NCOA5: variants seen among roughly 807,000 people sequenced by gnomAD.
NCOA5 encodes nuclear receptor coactivator 5.
In NCOA5, 12 loss-of-function variants were observed where a neutral mutation model predicts 59.0. The ratio of observed to expected loss-of-function variants is 0.20; its 90% CI spans 0.13 to 0.33. The LOEUF (loss-of-function observed/expected upper bound fraction) is 0.33, where lower values mean the gene tolerates loss of function less well. NCOA5 is among the 10% of genes least tolerant of loss of function. The probability of loss-of-function intolerance (pLI) is 1.00; values close to 1 mark genes in which losing one functional copy is unlikely to be tolerated. For missense variants in NCOA5, 655 were observed against 766.6 expected, an observed-to-expected ratio of 0.85 and a Z score of 1.72; for synonymous variants, 270 against 275.5, an observed-to-expected ratio of 0.98 and a Z score of 0.20.
chr20:46,085,499 T>G (rs2085036330), intron 1 of NCOA5, among the ~76,000 whole-genome samples: 11 of 144,850 alleles, frequency 7.6e-5, no homozygotes, highest in Non-Finnish European at 9.1e-5. Context: ...ATGGAGGGGG[T>G]GGGGGTGAAT....
chr20:46,071,303 C>A (rs773198972), intron 2 of NCOA5, among the ~76,000 whole-genome samples: 28 of 152,148 alleles, frequency 1.8e-4, no homozygotes, highest in Non-Finnish European at 3.7e-4. Context: ...TTACCCCAAC[C>A]CCATCAGTCC....
intron 5 of NCOA5, among the ~76,000 whole-genome samples, chr20:46,065,444 T>C (rs376133670): frequency 2.3e-4 from 35 of 152,308 alleles, no homozygotes; most frequent in African/African-American, 8.4e-4. Flanking sequence ...AGTAGCACAG[T>C]ATGATACCCA....
intron 6 of NCOA5, among the ~76,000 whole-genome samples, chr20:46,064,087 G>C (rs940582065): frequency 1.3e-5 from 2 of 152,192 alleles, no homozygotes; most frequent in African/African-American, 4.8e-5. Flanking sequence ...GTGCTCCTCA[G>C]GACAGAGCTG....
chr20:46,075,910 G>A (rs1023628682), intron 2 of NCOA5, among the ~76,000 whole-genome samples: 2 of 152,194 alleles, frequency 1.3e-5, no homozygotes, highest in African/African-American at 4.8e-5. Flanking sequence ...AGAGTTCTGT[G>A]CTTGGCTGGG....
intron 5 of NCOA5, among the ~76,000 whole-genome samples, chr20:46,066,164 T>C (rs2084821609): frequency 6.6e-6 from 1 of 152,180 alleles, no homozygotes; most frequent in Non-Finnish European, 1.5e-5. Context: ...TGAAGTTATT[T>C]ACTTAGTACC....
intron 4 of NCOA5, among the ~76,000 whole-genome samples, chr20:46,067,690 T>C (rs1239864790): frequency 6.6e-6 from 1 of 152,120 alleles, no homozygotes; most frequent in African/African-American, 2.4e-5. Flanking sequence ...ATGAGATTCT[T>C]AAAGATTTCA....
intron 6 of NCOA5, among the ~76,000 whole-genome samples, chr20:46,064,313 T>C (rs2084798522): frequency 1.3e-5 from 2 of 152,282 alleles, no homozygotes; most frequent in Middle Eastern, 3.4e-3. Context: ...GGGTAATGGG[T>C]GAGGCAAAGA....
intron 5 of NCOA5, among the ~76,000 whole-genome samples, chr20:46,066,484 A>T (rs2084824560): frequency 6.6e-6 from 1 of 152,142 alleles, no homozygotes; most frequent in African/African-American, 2.4e-5. Flanking sequence ...CTCAGTCTGC[A>T]TGGTTCCACA....
At chr20:46,068,474 T>A in intron 4 of NCOA5, 28 bp downstream of exon 4, 1 of 1,589,338 alleles carries the variant, frequency 6.3e-7, no homozygotes, top group Non-Finnish European at 8.5e-7. Flanking sequence ...CTATCAATAA[T>A]AGGAATAGAC....
At chr20:46,063,776 A>C in intron 6 of NCOA5, 96 bp from the exon 7 acceptor site, 1 of 1,233,598 alleles carries the variant, frequency 8.1e-7, no homozygotes, top group Middle Eastern at 2.0e-4. Flanking sequence ...TCATACCAGC[A>C]AGAAAATCAT....
At chr20:46,079,917 C>T (rs966724994) in intron 1 of NCOA5, among the ~76,000 whole-genome samples, 1 of 152,200 alleles carries the variant, frequency 6.6e-6, no homozygotes, top group Non-Finnish European at 1.5e-5. Context: ...ATTTCATTGT[C>T]TTAAAACTTC....
chr20:46,069,756 A>T (rs2145531168), intron 3 of NCOA5, among the ~76,000 whole-genome samples: 1 of 152,236 alleles, frequency 6.6e-6, no homozygotes, highest in South Asian at 2.1e-4. Flanking sequence ...AAATCCATTA[A>T]TCTGCTGATA....
rs891825194 is a variant in NCOA5, at chr20:46,083,876, A to C, written c.-29-4423T>G. On this transcript the variant is annotated intron_variant, in intron 1 of 7. Transcript: ENST00000290231. ...TATATTGCAACATCAGGGATATTGTAATGAGTTATATTGTAACAAGTCAGG... is the reference window on the plus strand; with the variant it reads ...TATATTGCAACATCAGGGATATTGTCATGAGTTATATTGTAACAAGTCAGG... Among the ~76,000 whole-genome samples the C allele has an allele frequency of 3.3e-5, 5 of 152,362 alleles. No individual in the cohort carries two copies. The South Asian group carries it at 6.2e-4, about 19-fold the overall frequency.
intron 1 of NCOA5, among the ~76,000 whole-genome samples, chr20:46,087,263 A>C (rs1335654444): frequency 6.6e-6 from 1 of 152,240 alleles, no homozygotes; most frequent in Non-Finnish European, 1.5e-5. Flanking sequence ...TGAAGGGAAG[A>C]AAAAGTTTAA....
chr20:46,081,144 A>AAGAT (rs1373776696), intron 1 of NCOA5, among the ~76,000 whole-genome samples: 13 of 152,264 alleles, frequency 8.5e-5, no homozygotes, highest in Non-Finnish European at 1.3e-4. Context: ...GGTGTGTATT[A>AAGAT]AGATAAAAAA....
chr20:46,062,973 A>T, intron 7 of NCOA5, 84 bp from the exon 8 acceptor site: 1 of 1,124,226 alleles, frequency 8.9e-7, no homozygotes, highest in Non-Finnish European at 1.2e-6. Flanking sequence ...AACAACAATC[A>T]CTGAGTCACA....
chr20:46,068,424 G>A, intron 4 of NCOA5, 78 bp downstream of exon 4: 1 of 1,467,718 alleles, frequency 6.8e-7, no homozygotes, highest in Admixed American at 2.4e-5. Flanking sequence ...TTCAGATGGG[G>A]GTACTGGTTA....
At position 46,065,258 on chromosome 20, in the gene NCOA5, G is replaced by T; in HGVS notation, c.630-30C>A. 1.9e-6 allele frequency: 3 copies of T among 1,608,586 alleles called. No homozygotes were observed. The South Asian group carries it at 3.3e-5, about 18-fold the overall frequency. On this transcript the variant is annotated intron_variant, in intron 5 of 7. Coordinates refer to ENST00000290231, the MANE Select transcript of NCOA5 (RefSeq NM_020967.3). ...AAAAATAAATAAGATCCAGGTGAGC[G>T]ACCAACTCCAAATCTGCATCGTGTG...
Position 46,062,276 on chromosome 20 carries a change from T to C in NCOA5, c.*24A>G. The C allele has an allele frequency of 6.3e-7, 1 of 1,583,432 alleles. No homozygotes were observed. The highest frequency in any genetic ancestry group is 1.1e-5 in the South Asian group (1 of 89,358). ...GGAGGAGGCCAGGGGATGAGGGGAC[T>C]GGGGAGAGTTGAAAGATTTAGCTTC... On this transcript the variant is annotated 3_prime_UTR_variant, in exon 8 of 8. Transcript: ENST00000290231.
Sources: gnomAD v4.1 joint callset for allele counts (sites outside exome capture counted in the v4.1 genomes callset) on GRCh38, gnomAD v4.1.1 for gene constraint, MANE v1.5 for transcripts, NCBI Gene and HGNC (gene_info 2026-07-23, HGNC 2026-07-21) for gene names.